Variants in ADAM22 observed in about 807,000 individuals in gnomAD.
The protein encoded by ADAM22 is ADAM metallopeptidase domain 22.
A neutral mutation model predicts 144.6 loss-of-function variants in ADAM22; 65 were observed. The observed-to-expected ratio is 0.45, with a 90% CI of 0.37 to 0.55. The LOEUF is 0.55. ADAM22 is among the 20% of genes least tolerant of loss of function. The pLI is 0.00. For missense variants in ADAM22, 974 were observed against 1,184.9 expected (o/e 0.82, Z 2.61); for synonymous variants, 391 against 412.6 (o/e 0.95, Z 0.63).
At chr7:88,135,866 C>A in intron 13 of ADAM22, 114 bp from the exon 14 acceptor site, 2 of 844,986 alleles carry the variant, frequency 2.4e-6, no homozygotes, top group Non-Finnish European at 3.4e-6. Context: ...GAAGTTACTA[C>A]TTTTTAAAAG....
intron 4 of ADAM22, among the ~76,000 whole-genome samples, chr7:88,096,526 A>T (rs923212057): frequency 6.6e-6 from 1 of 151,338 alleles, no homozygotes; most frequent in African/African-American, 2.4e-5. Flanking sequence ...CATAACTTAT[A>T]CTATGACTTT....
chr7:88,101,877 T>C (rs1376635272), intron 4 of ADAM22, among the ~76,000 whole-genome samples: 1 of 152,210 alleles, frequency 6.6e-6, no homozygotes, highest in African/African-American at 2.4e-5. Flanking sequence ...CACAGGTGGG[T>C]AGGCTGCATC....
intron 4 of ADAM22, among the ~76,000 whole-genome samples, chr7:88,104,877 CTT>C (rs1389460575): frequency 6.6e-6 from 1 of 151,934 alleles, no homozygotes. Context: ...ATATTGAGCT[CTT>C]TGCTTCATTT....
chr7:87,967,897 T>C (rs934947661), intron 2 of ADAM22, among the ~76,000 whole-genome samples: 6 of 151,700 alleles, frequency 4.0e-5, no homozygotes, highest in African/African-American at 1.5e-4. Context: ...GCCCTCAATT[T>C]AGCTGGAAAG....
At chr7:87,974,099 TAAAAA>T (rs1192673019) in intron 2 of ADAM22, among the ~76,000 whole-genome samples, 1 of 129,424 alleles carries the variant, frequency 7.7e-6, no homozygotes, top group Non-Finnish European at 1.7e-5. Flanking sequence ...ATAATAAAAT[TAAAAA>T]AAAAAAAAGA....
chr7:88,142,326 A>G (rs565121572), intron 14 of ADAM22, among the ~76,000 whole-genome samples: 19 of 152,340 alleles, frequency 1.2e-4, no homozygotes, highest in African/African-American at 4.3e-4. Context: ...AGTCTGGAAC[A>G]GCTCCTCTTT....
intron 3 of ADAM22, among the ~76,000 whole-genome samples, chr7:87,991,468 G>A (rs750787592): frequency 1.1e-3 from 163 of 147,908 alleles, no homozygotes; most frequent in Non-Finnish European, 1.6e-3. Flanking sequence ...CCGGGTTCAC[G>A]CCATTCTCCT....
chr7:88,060,495 G>T (rs1233331839), intron 3 of ADAM22, among the ~76,000 whole-genome samples: 1 of 152,254 alleles, frequency 6.6e-6, no homozygotes, highest in Non-Finnish European at 1.5e-5. Flanking sequence ...TTTTGGCTGG[G>T]CGCAGTGGCT....
intron 4 of ADAM22, among the ~76,000 whole-genome samples, chr7:88,077,541 G>A (rs1814961514): frequency 6.6e-6 from 1 of 152,214 alleles, no homozygotes; most frequent in Admixed American, 6.5e-5. Flanking sequence ...AAAGCAGTGC[G>A]AGGCATCGCC....
rs780090753 is a variant in ADAM22 at position 88,075,614 on chromosome 7, T to C, written c.324-12T>C. On this transcript the variant is annotated splice_polypyrimidine_tract_variant and intron_variant, in intron 3 of 31. Transcript: ENST00000413139. ...GATCCTCTTTAGTCATCATTTATTT[T>C]TGTTGTTGCAGTGATTTGCTGTCCT... 13 of 1,612,326 alleles carry C rather than the reference T, an allele frequency of 8.1e-6. No homozygotes were observed. The highest frequency in any genetic ancestry group is 1.0e-5 in the Non-Finnish European group (12 of 1,178,818).
intron 5 of ADAM22, among the ~76,000 whole-genome samples, chr7:88,110,046 G>A (rs969192292): frequency 2.0e-5 from 3 of 152,198 alleles, no homozygotes; most frequent in Non-Finnish European, 4.4e-5. Context: ...ATGTGTCTGA[G>A]AGCATGGAAG....
Position 87,962,199 on chromosome 7 carries a change from C to T in ADAM22, c.247-16137C>T, listed in dbSNP as rs374385546. 6.6e-5 allele frequency among the ~76,000 whole-genome samples: 10 copies of T among 152,306 alleles called. No individual in the cohort carries two copies. In the South Asian group the frequency reaches 8.3e-4, roughly 13 times the overall value. On this transcript the variant is annotated intron_variant, in intron 2 of 31. Transcript: ENST00000413139. ...AATTACTAGAGAACTCACAAGGAAA[C>T]AGTAAAGTAGTTAAACTATGTGAAA...
rs1212809789 is a variant in ADAM22, at chr7:88,143,097, G to A, written c.1292G>A (p.Gly431Asp). Residue 431 changes from glycine (G) to aspartate (D), a missense_variant, in exon 15 of 32, where the codon GGT becomes GAT. Physicochemically the swap from Gly to Asp is moderately conservative, Grantham distance 94. Around this residue, in one of 2 missense-constraint regions of ADAM22, gnomAD observed 734 missense variants for 950.6 expected, o/e 0.77. Transcript: ENST00000413139. Reference sequence around the variant, plus strand: ...CATGACTTCCTGAATAGTGGAGGTGGTGCCTGCCTTTTCAACAAACCTTCT... The same window carrying A: ...CATGACTTCCTGAATAGTGGAGGTGATGCCTGCCTTTTCAACAAACCTTCT... ...EYHDFLNSGG[G>D]ACLFNKPSKL... 2 of 1,612,306 alleles carry A rather than the reference G, an allele frequency of 1.2e-6. No individual in the cohort carries two copies. The highest frequency in any genetic ancestry group is 1.7e-6 in the Non-Finnish European group (2 of 1,178,894).
At chr7:88,191,104 T>G (rs3789236) in intron 30 of ADAM22, among the ~76,000 whole-genome samples, 1 of 152,174 alleles carries the variant, frequency 6.6e-6, no homozygotes, top group African/African-American at 2.4e-5. Flanking sequence ...AATTAACTAG[T>G]GTAACTAGCG....
intron 2 of ADAM22, among the ~76,000 whole-genome samples, chr7:87,948,642 G>A (rs1844289564): frequency 6.6e-6 from 1 of 152,124 alleles, no homozygotes; most frequent in Non-Finnish European, 1.5e-5. Context: ...GGGATCCATT[G>A]CTACATTGCT....
intron 3 of ADAM22, among the ~76,000 whole-genome samples, chr7:87,989,786 C>G (rs923474635): frequency 2.0e-5 from 3 of 152,066 alleles, no homozygotes; most frequent in Non-Finnish European, 4.4e-5. Context: ...GGTGGTGGCA[C>G]ACACCCGTAA....
chr7:88,090,925 T>A (rs6954770), intron 4 of ADAM22, among the ~76,000 whole-genome samples: 21,827 of 152,132 alleles, frequency 0.14, 2,451 homozygotes, highest in African/African-American at 0.3. Context: ...GTGAATTGTG[T>A]CAGAGGAATA....
At chr7:88,109,066 A>C (rs1278034520) in intron 5 of ADAM22, among the ~76,000 whole-genome samples, 1 of 152,160 alleles carries the variant, frequency 6.6e-6, no homozygotes, top group Non-Finnish European at 1.5e-5. Context: ...TTGTCAAATA[A>C]TAGCAGTTTC....
intron 3 of ADAM22, among the ~76,000 whole-genome samples, chr7:88,062,948 T>C (rs1810284549): frequency 6.6e-6 from 1 of 152,180 alleles, no homozygotes; most frequent in Non-Finnish European, 1.5e-5. Context: ...GTTTGATTCA[T>C]TGTACCCTCA....
Sources: gnomAD v4.1 joint callset for allele counts (sites outside exome capture counted in the v4.1 genomes callset) on GRCh38, gnomAD v4.1.1 for gene constraint, gnomAD v4.1.1 regional missense constraint, MANE v1.5 for transcripts, NCBI Gene and HGNC (gene_info 2026-07-23, HGNC 2026-07-21) for gene names.